FAM131B: variants seen among roughly 807,000 people sequenced by gnomAD.
FAM131B encodes family with sequence similarity 131 member B, also known as protein FAM131B.
A neutral mutation model predicts 42.0 loss-of-function variants in FAM131B; 19 were observed. The ratio of observed to expected loss-of-function variants is 0.45; its 90% CI spans 0.32 to 0.66. FAM131B has a LOEUF of 0.66. Ranked by LOEUF, FAM131B falls within the 30% of genes least tolerant of loss-of-function variation. The pLI, the probability that FAM131B is intolerant of heterozygous loss-of-function variation, is 0.05. For missense variants in FAM131B, 370 were observed against 468.4 expected, an observed-to-expected ratio of 0.79 and a Z score of 1.94; for synonymous variants, 183 against 177.6, an observed-to-expected ratio of 1.03 and a Z score of -0.24.
chr7:143,381,620 C>T, the FAM131B span: 1 of 1,612,296 alleles, frequency 6.2e-7, no homozygotes, highest in Non-Finnish European at 8.5e-7. Flanking sequence ...GGTCTCGGCT[C>T]CGGCTTTTTA....
upstream of FAM131B, among the ~76,000 whole-genome samples, chr7:143,364,610 A>G (rs1804137886): frequency 6.6e-6 from 1 of 152,130 alleles, no homozygotes; most frequent in Admixed American, 6.5e-5. Flanking sequence ...GGTCTTGGAG[A>G]CTCAGTCCCA....
At chr7:143,376,042 C>A in the FAM131B span, among the ~76,000 whole-genome samples, 1 of 152,238 alleles carries the variant, frequency 6.6e-6, no homozygotes, top group Non-Finnish European at 1.5e-5. Flanking sequence ...GGGTGCCCAT[C>A]TGGCCCAGCC....
At chr7:143,381,436 C>T in the FAM131B span, 1,797 of 1,276,382 alleles carry the variant, frequency 1.4e-3, 27 homozygotes, top group African/African-American at 0.024. Flanking sequence ...GGCAGGGCGG[C>T]CCCACGGGGA....
chr7:143,357,600 T>A lies in FAM131B; in HGVS notation c.467-177A>T, dbSNP rs80168426. On this transcript the variant is annotated intron_variant, in intron 5 of 6. Transcript: ENST00000443739. Reference sequence around the variant, plus strand: ...ATTAAAAAGAAACAGGTTAAATCAATTGAAATAATAGATCTTATTTAATTC... The same window carrying A: ...ATTAAAAAGAAACAGGTTAAATCAAATGAAATAATAGATCTTATTTAATTC... Among the ~76,000 whole-genome samples, 774 of 152,336 alleles carry A rather than the reference T, an allele frequency of 5.1e-3. 20 individuals are homozygous for A. The highest frequency in any genetic ancestry group is 0.039 in the Admixed American group (601 of 15,300).
chr7:143,370,222 C>A, the FAM131B span, among the ~76,000 whole-genome samples: 1 of 152,132 alleles, frequency 6.6e-6, no homozygotes, highest in Non-Finnish European at 1.5e-5. Flanking sequence ...CTTCCTGGAG[C>A]TCTAGTTTCT....
Position 143,356,337 on chromosome 7 carries a change from G to A in FAM131B, c.*213C>T, listed in dbSNP as rs949059599. ...ACACCAAGCTCACGGCCATCTAGTTGCCCAGGTCTCAGTTCCCAGGCCTGT... is the reference window on the plus strand; with the variant it reads ...ACACCAAGCTCACGGCCATCTAGTTACCCAGGTCTCAGTTCCCAGGCCTGT... On this transcript the variant is annotated 3_prime_UTR_variant, in exon 7 of 7. Coordinates refer to ENST00000443739, the MANE Select transcript of FAM131B (RefSeq NM_001031690.3). The surrounding 1 kb of genome is among the most constrained non-coding windows in gnomAD (Gnocchi z 4.4). 2.7e-5 allele frequency: 15 copies of A among 561,086 alleles called. 1 individual carries two copies. Among genetic ancestry groups the A allele is most frequent in the Non-Finnish European group, 4.4e-5 (14 of 314,728 alleles). 34.8% of individuals were successfully genotyped at this position (561,086 alleles called of 1,614,324 possible). A position where few individuals can be genotyped will look rare whatever the true frequency, so the allele number is the denominator to read the frequency against.
the FAM131B span, among the ~76,000 whole-genome samples, chr7:143,372,045 GGAGA>G: frequency 6.6e-6 from 1 of 152,202 alleles, no homozygotes; most frequent in African/African-American, 2.4e-5. Flanking sequence ...AAGGAGATGT[GGAGA>G]GAGAGGAGAA....
the FAM131B span, among the ~76,000 whole-genome samples, chr7:143,378,620 C>T: frequency 7.0e-6 from 1 of 142,232 alleles, no homozygotes; most frequent in Non-Finnish European, 1.5e-5. Flanking sequence ...GTTGCCCAGG[C>T]TGGAGTGCAG....
the FAM131B span, among the ~76,000 whole-genome samples, chr7:143,372,185 A>C: frequency 2.6e-5 from 4 of 152,192 alleles, no homozygotes; most frequent in Non-Finnish European, 5.9e-5. Flanking sequence ...TTACAATGAG[A>C]TCTGTCAGAA....
rs1803512706 is a variant in FAM131B at position 143,353,527 on chromosome 7, G to A, written c.*3023C>T. The A allele has an allele frequency of 6.6e-6, 1 of 152,368 alleles. No individual in the cohort carries two copies. Among genetic ancestry groups the A allele is most frequent in the African/African-American group, 2.4e-5 (1 of 41,390 alleles). The allele number at this position is 152,368 out of a possible 1,614,324, so 9.4% of individuals were successfully genotyped here. ...TGGGGGACTGGCAGTGGGCATTTGA[G>A]CCCATGCCCTTGTGTACATAATCTC... On this transcript the variant is annotated 3_prime_UTR_variant, in exon 7 of 7. Transcript: ENST00000443739.
chr7:143,378,236 G>C, the FAM131B span, among the ~76,000 whole-genome samples: 1 of 152,296 alleles, frequency 6.6e-6, no homozygotes, highest in Admixed American at 6.5e-5. Context: ...TTCCATTTTA[G>C]AAATCATTCT....
At position 143,356,545 on chromosome 7, in the gene FAM131B, G is replaced by A. The variant is rs1803661347; in HGVS notation, c.*5C>T. On this transcript the variant is annotated 3_prime_UTR_variant, in exon 7 of 7. Transcript: ENST00000443739. This position sits in a 1 kb window ranked among gnomAD's most constrained non-coding sequence, Gnocchi z 4.4. ...GAGTGGAAGGCAGGGCATTGGGGGA[G>A]GAAACTAGTTGTTGGCCTCGCCTTC... The A allele has an allele frequency of 6.2e-7, 1 of 1,607,134 alleles. No homozygotes were observed. Among genetic ancestry groups the A allele is most frequent in the Non-Finnish European group, 8.5e-7 (1 of 1,174,352 alleles).
At chr7:143,380,750 G>A in the FAM131B span, 1 of 985,416 alleles carries the variant, frequency 1.0e-6, no homozygotes, top group Non-Finnish European at 1.2e-6. The surrounding 1 kb of genome is among the most constrained non-coding windows in gnomAD (Gnocchi z 5.0). Context: ...GGGGGGTGCT[G>A]GGAGGGAGAA....
the FAM131B span, among the ~76,000 whole-genome samples, chr7:143,367,846 A>G: frequency 6.6e-6 from 1 of 152,250 alleles, no homozygotes; most frequent in African/African-American, 2.4e-5. Flanking sequence ...CACGTTCTGT[A>G]GGATTCAGCA....
chr7:143,380,218 T>C, the FAM131B span: 1 of 978,620 alleles, frequency 1.0e-6, no homozygotes, highest in Non-Finnish European at 1.2e-6. This position sits in a 1 kb window ranked among gnomAD's most constrained non-coding sequence, Gnocchi z 5.0. Flanking sequence ...ATTGGGGAAG[T>C]TTCCCAGTGC....
chr7:143,378,365 C>T, the FAM131B span, among the ~76,000 whole-genome samples: 5 of 152,094 alleles, frequency 3.3e-5, no homozygotes, highest in South Asian at 2.1e-4. Context: ...CTTGGAGGCG[C>T]GTGAAGATGT....
In FAM131B at chr7:143,356,923, T is replaced by A; in HGVS notation, c.710A>T (p.Gln237Leu). The change falls in exon 7 of 7, where the codon CAG becomes CTG. Residue 237 changes from glutamine (Q) to leucine (L), a missense_variant. Gln to Leu is a moderately radical substitution (Grantham distance 113). Coordinates refer to ENST00000443739, the MANE Select transcript of FAM131B (RefSeq NM_001031690.3). The surrounding 1 kb of genome is among the most constrained non-coding windows in gnomAD (Gnocchi z 4.4). ...TGTGGCCGGAGAGGCAATGAGGGAC[T>A]GATCGCTGGCTTCCCAGGCATCTGA... ...GSSDAWEASDQSLIASPATGS... is the reference protein window; with the variant it reads ...GSSDAWEASDLSLIASPATGS... 1 of 1,614,092 alleles carries A rather than the reference T, an allele frequency of 6.2e-7. No individual in the cohort carries two copies. Among genetic ancestry groups the A allele is most frequent in the South Asian group, 1.1e-5 (1 of 91,084 alleles).
At position 143,354,448 on chromosome 7, in the gene FAM131B, C is replaced by G. The variant is rs987136633; in HGVS notation, c.*2102G>C. The G allele has an allele frequency of 6.6e-6, 1 of 152,206 alleles. No homozygotes were observed. Among genetic ancestry groups the G allele is most frequent in the Non-Finnish European group, 1.5e-5 (1 of 68,122 alleles). The allele number at this position is 152,206 out of a possible 1,614,324, so 9.4% of individuals were successfully genotyped here. ...TATGGGCACTGAGAGGATGAGACGA[C>G]AGGAAGAGGTGATGTGGGAATAGCA... On this transcript the variant is annotated 3_prime_UTR_variant, in exon 7 of 7. Transcript: ENST00000443739.
At chr7:143,374,386 T>G in the FAM131B span, among the ~76,000 whole-genome samples, 2 of 152,142 alleles carry the variant, frequency 1.3e-5, no homozygotes, top group Non-Finnish European at 2.9e-5. Context: ...CCTAAAAAGC[T>G]CTCTACTCTA....
Sources: gnomAD v4.1 joint callset for allele counts (sites outside exome capture counted in the v4.1 genomes callset) on GRCh38, gnomAD v4.1.1 for gene constraint, Gnocchi (gnomAD v3.1) non-coding constraint, MANE v1.5 for transcripts, NCBI Gene and HGNC (gene_info 2026-07-23, HGNC 2026-07-21) for gene names.